PIK3CA: variants seen among roughly 807,000 people sequenced by gnomAD.
The protein encoded by PIK3CA is phosphatidylinositol 4,5-bisphosphate 3-kinase catalytic subunit alpha isoform.
A neutral mutation model predicts 138.2 loss-of-function variants in PIK3CA; 27 were observed. That is an observed-to-expected ratio of 0.20 (90% confidence interval 0.14 to 0.27). The LOEUF (loss-of-function observed/expected upper bound fraction) is 0.27, where lower values mean the gene tolerates loss of function less well. Ranked by LOEUF, PIK3CA falls within the 10% of genes least tolerant of loss-of-function variation. PIK3CA has a pLI of 1.00. For missense variants in PIK3CA, 544 were observed against 1,277.4 expected (o/e 0.43, Z 8.75); for synonymous variants, 358 against 413.2 (o/e 0.87, Z 1.62).
chr3:179,179,460 A>G (rs1723786063), intron 1 of PIK3CA, among the ~76,000 whole-genome samples: 1 of 152,238 alleles, frequency 6.6e-6, no homozygotes, highest in African/African-American at 2.4e-5. Context: ...CTAATCTATA[A>G]TTACAGAAAC....
At chr3:179,216,242 G>A (rs1332958238) in intron 9 of PIK3CA, among the ~76,000 whole-genome samples, 2 of 152,130 alleles carry the variant, frequency 1.3e-5, no homozygotes, top group African/African-American at 4.8e-5. Flanking sequence ...AAGGAAATTT[G>A]ATAGTATTTC....
At chr3:179,188,995 T>A (rs1469180796) in intron 1 of PIK3CA, among the ~76,000 whole-genome samples, 1 of 152,106 alleles carries the variant, frequency 6.6e-6, no homozygotes, top group Non-Finnish European at 1.5e-5. Flanking sequence ...GCAGATCACT[T>A]GAGGTCAGGA....
At position 179,171,857 on chromosome 3, in the gene PIK3CA, GGGA is replaced by G. The variant is rs372785854; in HGVS notation, c.-77+23259_-77+23261del. ...CAACCACATTTTCAGAAAAGCAGGA[GGGA>G]GGAGAGCATCACAATTCATTTTATG... On this transcript the variant is annotated intron_variant, in intron 1 of 20. Coordinates refer to ENST00000263967, the MANE Select transcript of PIK3CA (RefSeq NM_006218.4). 3.2e-3 allele frequency among the ~76,000 whole-genome samples: 486 copies of G among 152,126 alleles called. 2 individuals carry two copies. Among genetic ancestry groups the G allele is most frequent in the African/African-American group, 0.011 (469 of 41,518 alleles).
chr3:179,164,630 G>A lies in PIK3CA; in HGVS notation c.-77+16027G>A, dbSNP rs889448333. 1.3e-3 allele frequency among the ~76,000 whole-genome samples: 200 copies of A among 152,240 alleles called. 1 individual carries two copies. The highest frequency in any genetic ancestry group is 4.5e-3 in the African/African-American group (188 of 41,544). ...TGCCTGTAATCCCAGCACTTTGGGA[G>A]GCCAAGGCGGGTGGATAACCTGAGG... On this transcript the variant is annotated intron_variant, in intron 1 of 20. Coordinates refer to ENST00000263967, the MANE Select transcript of PIK3CA (RefSeq NM_006218.4).
intron 1 of PIK3CA, among the ~76,000 whole-genome samples, chr3:179,196,861 T>G (rs1479173512): frequency 6.6e-6 from 1 of 152,134 alleles, no homozygotes; most frequent in Non-Finnish European, 1.5e-5. Flanking sequence ...ACAAGAAATA[T>G]TGATGGCCGG....
chr3:179,197,446 A>G (rs1724295271), intron 1 of PIK3CA, among the ~76,000 whole-genome samples: 1 of 152,244 alleles, frequency 6.6e-6, no homozygotes, highest in Non-Finnish European at 1.5e-5. Context: ...TCTCCAGGAT[A>G]GCATTTATTC....
chr3:179,221,220 G>A, intron 14 of PIK3CA, 63 bp downstream of exon 14: 1 of 1,165,138 alleles, frequency 8.6e-7, no homozygotes, highest in Non-Finnish European at 1.3e-6. Context: ...TTGTTTAGAA[G>A]CCCAGTGTAT....
intron 9 of PIK3CA, among the ~76,000 whole-genome samples, chr3:179,212,425 A>T (rs939817280): frequency 1.3e-5 from 2 of 150,782 alleles, no homozygotes; most frequent in African/African-American, 4.9e-5. Context: ...CCCGGCCAAT[A>T]TGGTGAAACC....
chr3:179,225,929 A>G (rs1011071046), intron 16 of PIK3CA, 33 bp from the exon 17 acceptor site: 1 of 1,133,090 alleles, frequency 8.8e-7, no homozygotes, highest in Non-Finnish European at 1.3e-6. Context: ...CATCTGTGGC[A>G]TTAAATGGTG....
Position 179,154,536 on chromosome 3 carries a change from G to A in PIK3CA, c.-77+5933G>A, listed in dbSNP as rs372237058. Among the ~76,000 whole-genome samples, 5 of 152,264 alleles carry A rather than the reference G, an allele frequency of 3.3e-5. No homozygotes were observed. In the South Asian group the frequency reaches 1.0e-3, roughly 32 times the overall value. On this transcript the variant is annotated intron_variant, in intron 1 of 20. Coordinates refer to ENST00000263967, the MANE Select transcript of PIK3CA (RefSeq NM_006218.4). ...GCTCCCTGGTGCCAAAAAAGTTGGG[G>A]ACCACTGGCCTAAGGGACTAAATTC...
Position 179,237,112 on chromosome 3 carries a change from CT to C in PIK3CA, c.*2751del, listed in dbSNP as rs1358797820. On this transcript the variant is annotated 3_prime_UTR_variant, in exon 21 of 21. Transcript: ENST00000263967. ...TGACTGTTGGAAAATTATGCTTTCACTTTCTACCATATTCTCAGCTATACAA... is the reference window on the plus strand; with the variant it reads ...TGACTGTTGGAAAATTATGCTTTCACTTCTACCATATTCTCAGCTATACAA... 6 of 196,722 alleles carry C rather than the reference CT, an allele frequency of 3.0e-5. No individual in the cohort carries two copies. Among genetic ancestry groups the C allele is most frequent in the African/African-American group, 1.4e-4 (6 of 43,294 alleles). 12.2% of individuals were successfully genotyped at this position (196,722 alleles called of 1,614,324 possible).
intron 1 of PIK3CA, among the ~76,000 whole-genome samples, chr3:179,164,176 GAAAT>G (rs920257334): frequency 6.7e-6 from 1 of 150,128 alleles, no homozygotes; most frequent in Non-Finnish European, 1.5e-5. Context: ...AGAAAACAAA[GAAAT>G]AAACCAAAAA....
At chr3:179,171,766 A>G (rs1328983965) in intron 1 of PIK3CA, among the ~76,000 whole-genome samples, 6 of 152,148 alleles carry the variant, frequency 3.9e-5, no homozygotes, top group Admixed American at 1.3e-4. Context: ...AATAAAGAAA[A>G]TCTGGGCTTT....
At chr3:179,151,500 G>A (rs1723013840) in intron 1 of PIK3CA, among the ~76,000 whole-genome samples, 1 of 152,100 alleles carries the variant, frequency 6.6e-6, no homozygotes, top group East Asian at 1.9e-4. Context: ...ATAATCTAGG[G>A]AGCTTTTTAA....
chr3:179,151,897 G>A (rs1179825087), intron 1 of PIK3CA, among the ~76,000 whole-genome samples: 1 of 152,134 alleles, frequency 6.6e-6, no homozygotes, highest in Non-Finnish European at 1.5e-5. Flanking sequence ...CACTGTCATA[G>A]CATTAACCTC....
At position 179,203,678 on chromosome 3, in the gene PIK3CA, A is replaced by G; in HGVS notation, c.948A>G (p.Pro316=). ...SYSRRISTAT[P]YMNGETSTKS... ...CCAGACGCATTTCCACAGCTACACCATATATGAATGGAGAAACATCTACAA... is the reference window on the plus strand; with the variant it reads ...CCAGACGCATTTCCACAGCTACACCGTATATGAATGGAGAAACATCTACAA... Residue 316 remains proline (P), a synonymous_variant, in exon 5 of 21, where the codon CCA becomes CCG. Transcript: ENST00000263967. The G allele has an allele frequency of 6.2e-7, 1 of 1,613,920 alleles. No homozygotes were observed. Among genetic ancestry groups the G allele is most frequent in the South Asian group, 1.1e-5 (1 of 91,082 alleles).
chr3:179,153,989 T>C (rs1206103937), intron 1 of PIK3CA, among the ~76,000 whole-genome samples: 3 of 152,212 alleles, frequency 2.0e-5, no homozygotes, highest in Admixed American at 2.0e-4. Flanking sequence ...CACATTTAAT[T>C]ATTATGTGAA....
At chr3:179,200,449 T>A (rs1385227333) in intron 3 of PIK3CA, among the ~76,000 whole-genome samples, 1 of 152,132 alleles carries the variant, frequency 6.6e-6, no homozygotes, top group East Asian at 1.9e-4. Context: ...TTGTATCAGA[T>A]AAATATCTAT....
At chr3:179,232,130 TTTTG>T (rs1725228337) in intron 20 of PIK3CA, among the ~76,000 whole-genome samples, 1 of 152,126 alleles carries the variant, frequency 6.6e-6, no homozygotes, top group Non-Finnish European at 1.5e-5. Flanking sequence ...GTCCCATTTA[TTTTG>T]TTTGTTTTTG....
Sources: gnomAD v4.1 joint callset for allele counts (sites outside exome capture counted in the v4.1 genomes callset) on GRCh38, gnomAD v4.1.1 for gene constraint, MANE v1.5 for transcripts, NCBI Gene and HGNC (gene_info 2026-07-23, HGNC 2026-07-21) for gene names.